TRAF3IP3: variants seen among roughly 807,000 people sequenced by gnomAD.
TRAF3IP3 encodes TRAF3 interacting protein 3.
Under a neutral mutation model 86.5 loss-of-function variants are expected in TRAF3IP3, and 64 were observed. The ratio of observed to expected loss-of-function variants is 0.74; its 90% CI spans 0.60 to 0.91. The LOEUF (loss-of-function observed/expected upper bound fraction) is 0.91. Ranked by LOEUF, TRAF3IP3 falls within the 40% of genes least tolerant of loss-of-function variation. The probability of loss-of-function intolerance (pLI) is 0.00; values close to 1 mark genes in which losing one functional copy is unlikely to be tolerated. For missense variants in TRAF3IP3, 579 were observed against 642.9 expected, an observed-to-expected ratio of 0.90 and a Z score of 1.07; for synonymous variants, 220 against 243.9, an observed-to-expected ratio of 0.90 and a Z score of 0.91.
chr1:209,775,691 C>T lies in TRAF3IP3; in HGVS notation c.1008C>T (p.His336=), dbSNP rs2077639377. The T allele has an allele frequency of 6.2e-7, 1 of 1,613,892 alleles. No individual in the cohort carries two copies. Among genetic ancestry groups the T allele is most frequent in the South Asian group, 1.1e-5 (1 of 91,052 alleles). ...KEDWRTLGTQ[H]RELESQLHVL... is the part of the protein sequence containing the mutation. Reference sequence around the variant, plus strand: ...ACTGGAGGACCCTTGGGACCCAGCACAGGGAGCTGGAGAGCCAACTCCACG... The same window carrying T: ...ACTGGAGGACCCTTGGGACCCAGCATAGGGAGCTGGAGAGCCAACTCCACG... Residue 336 remains histidine (H), a synonymous_variant, in exon 11 of 17, where the codon CAC becomes CAT. Transcript: ENST00000367025.
rs1229744775 is a variant in TRAF3IP3 at position 209,756,206 on chromosome 1, GC to G, written c.-262del. Reference sequence around the variant, plus strand: ...CCAGACCTATGGATTGAAAGCGTGTGCTTTACCCATCTGCTGTCTTGCTCCA... The same window carrying G: ...CCAGACCTATGGATTGAAAGCGTGTGTTTACCCATCTGCTGTCTTGCTCCA... On this transcript the variant is annotated 5_prime_UTR_variant, in exon 1 of 17. Transcript: ENST00000367025. 9.8e-5 allele frequency: 15 copies of G among 152,294 alleles called. No homozygotes were observed. The highest frequency in any genetic ancestry group is 1.6e-4 in the Non-Finnish European group (11 of 68,072). The allele number at this position is 152,294 out of a possible 1,614,324, so 9.4% of individuals were successfully genotyped here.
intron 14 of TRAF3IP3, chr1:209,779,756 G>A: frequency 1.9e-6 from 1 of 532,618 alleles, no homozygotes; most frequent in Non-Finnish European, 3.3e-6. Context: ...GTTAGCCCTA[G>A]AGAGTCTACT....
intron 8 of TRAF3IP3, among the ~76,000 whole-genome samples, chr1:209,770,346 G>C (rs1018382349): frequency 6.6e-6 from 1 of 151,940 alleles, no homozygotes; most frequent in Non-Finnish European, 1.5e-5. Context: ...TGTGGAGATG[G>C]AAGTGTGTAT....
chr1:209,775,332 T>C lies in TRAF3IP3; in HGVS notation c.775-17T>C. On this transcript the variant is annotated splice_polypyrimidine_tract_variant and intron_variant, in intron 9 of 16. Transcript: ENST00000367025. The stretch of plus-strand genomic sequence containing the variant: ...AGAAGCTCAATGTGTATTTGTTGAA[T>C]TGCATCAAATTTACAGAAATACTCC... 1.3e-6 allele frequency: 2 copies of C among 1,599,762 alleles called. No homozygotes were observed. Among genetic ancestry groups the C allele is most frequent in the Non-Finnish European group, 1.7e-6 (2 of 1,172,276 alleles).
At chr1:209,770,378 T>A (rs1279842005) in intron 8 of TRAF3IP3, among the ~76,000 whole-genome samples, 1 of 151,834 alleles carries the variant, frequency 6.6e-6, no homozygotes, top group African/African-American at 2.4e-5. Context: ...ATTGTGCGTG[T>A]GCATGTGGAG....
chr1:209,762,580 T>A lies in TRAF3IP3; in HGVS notation c.411T>A (p.Asp137Glu), dbSNP rs552446215. The change falls in exon 4 of 17, where the codon GAT (aspartate) becomes GAA (glutamate). Residue 137 changes from aspartate to glutamate, a missense_variant. Transcript: ENST00000367025. ...CTCCTCCCTCAGGCATCTGCAGGGA[T>A]CTGTCTGACCACCTCTCCTCACAGG... is the stretch of plus-strand genomic sequence containing the variant. ...QHPPPSGICRDLSDHLSSQAG... is the reference protein window; with the variant it reads ...QHPPPSGICRELSDHLSSQAG... 6.6e-7 allele frequency: 1 copy of A among 1,503,976 alleles called. No homozygotes were observed. Among genetic ancestry groups the A allele is most frequent in the East Asian group, 2.3e-5 (1 of 43,428 alleles). 93.2% of individuals were successfully genotyped at this position (1,503,976 alleles called of 1,614,324 possible). A position where few individuals can be genotyped will look rare whatever the true frequency, so the allele number is the denominator to read the frequency against.
chr1:209,772,849 CACCA>C, intron 8 of TRAF3IP3, 95 bp from the exon 9 acceptor site: 3 of 1,022,984 alleles, frequency 2.9e-6, no homozygotes, highest in Non-Finnish European at 4.5e-6. Context: ...ACTGTTTGAG[CACCA>C]ACCATGTGCT....
chr1:209,757,429 A>T lies in TRAF3IP3; in HGVS notation c.-160+1120A>T, dbSNP rs190389179. The stretch of plus-strand genomic sequence containing the variant: ...GGAAGCTGAGCCAAACAGGGAGGGG[A>T]CCTCACACCTTATGTGTGACACAGG... On this transcript the variant is annotated intron_variant, in intron 1 of 16. Transcript: ENST00000367025. Among the ~76,000 whole-genome samples the T allele has an allele frequency of 4.1e-4, 63 of 151,862 alleles. No individual in the cohort carries two copies. In the East Asian group the frequency reaches 8.7e-3, roughly 21 times the overall value.
chr1:209,764,398 C>A (rs2077301072), intron 8 of TRAF3IP3, among the ~76,000 whole-genome samples: 1 of 152,072 alleles, frequency 6.6e-6, no homozygotes, highest in Non-Finnish European at 1.5e-5. Context: ...AAGCATTTGC[C>A]AGGAAAATAT....
chr1:209,776,749 A>G (rs768328414), intron 11 of TRAF3IP3: 3 of 152,194 alleles, frequency 2.0e-5, no homozygotes, highest in African/African-American at 4.8e-5. Flanking sequence ...GTGATTTACC[A>G]AAGTGTCAAG....
intron 13 of TRAF3IP3, 127 bp from the exon 14 acceptor site, chr1:209,779,188 G>T: frequency 2.9e-6 from 2 of 686,064 alleles, no homozygotes; most frequent in Non-Finnish European, 5.0e-6. Context: ...TATATTCTGG[G>T]GGACAAAATT....
At chr1:209,771,891 G>T (rs113900634) in intron 8 of TRAF3IP3, among the ~76,000 whole-genome samples, 3 of 132,428 alleles carry the variant, frequency 2.3e-5, no homozygotes, top group South Asian at 2.7e-4. Context: ...GTGTGTGCGC[G>T]CATGTGAAGG....
intron 3 of TRAF3IP3, among the ~76,000 whole-genome samples, chr1:209,761,972 C>G (rs2077254153): frequency 6.6e-6 from 1 of 152,258 alleles, no homozygotes; most frequent in Non-Finnish European, 1.5e-5. Context: ...TTCTGCCAGT[C>G]AGGACAAGGA....
chr1:209,763,641 C>T (rs2077288335), intron 8 of TRAF3IP3, 54 bp downstream of exon 8: 1 of 1,425,628 alleles, frequency 7.0e-7, no homozygotes, highest in Non-Finnish European at 9.8e-7. Context: ...GTGTTCCCAT[C>T]TCATTTTTCT....
intron 8 of TRAF3IP3, among the ~76,000 whole-genome samples, chr1:209,771,391 G>C (rs1319378055): frequency 6.7e-6 from 1 of 149,046 alleles, no homozygotes; most frequent in Non-Finnish European, 1.5e-5. Context: ...AGGTGGAAGT[G>C]TGCATGTGCA....
intron 8 of TRAF3IP3, 104 bp downstream of exon 8, chr1:209,763,691 C>T: frequency 1.0e-6 from 1 of 963,438 alleles, no homozygotes; most frequent in Admixed American, 2.2e-5. Flanking sequence ...TTTCTCACTA[C>T]TGAAAAGTAA....
At position 209,762,523 on chromosome 1, in the gene TRAF3IP3, C is replaced by A; in HGVS notation, c.354C>A (p.Gly118=). ...RISSPREQVT[G]TSSEVFPAQH... ...CCCCACTTGCCTTCCAGGTGACAGG[C>A]ACCAGCTCTGAAGTCTTTCCAGCCC... is the stretch of plus-strand genomic sequence containing the variant. Residue 118 remains glycine (G), a synonymous_variant, in exon 4 of 17, where the codon GGC becomes GGA. Coordinates refer to ENST00000367025, the MANE Select transcript of TRAF3IP3 (RefSeq NM_025228.4). 6.9e-7 allele frequency: 1 copy of A among 1,451,672 alleles called. No homozygotes were observed. 89.9% of individuals were successfully genotyped at this position (1,451,672 alleles called of 1,614,324 possible). A position where few individuals can be genotyped will look rare whatever the true frequency, so the allele number is the denominator to read the frequency against.
At position 209,775,988 on chromosome 1, in the gene TRAF3IP3, G is replaced by A. The variant is rs1387434736; in HGVS notation, c.1053+252G>A. The A allele has an allele frequency of 7.9e-6, 3 of 381,344 alleles. No individual in the cohort carries two copies. The East Asian group carries it at 1.3e-4, about 17-fold the overall frequency. 23.6% of individuals were successfully genotyped at this position (381,344 alleles called of 1,614,324 possible). On this transcript the variant is annotated intron_variant, in intron 11 of 16. Coordinates refer to ENST00000367025, the MANE Select transcript of TRAF3IP3 (RefSeq NM_025228.4). The stretch of plus-strand genomic sequence containing the variant: ...GGAATGACACCATCACCACCCAAAT[G>A]AAAAGAACTGGCTGGAATATTCATC...
intron 9 of TRAF3IP3, among the ~76,000 whole-genome samples, chr1:209,774,858 G>A (rs2077619492): frequency 6.6e-6 from 1 of 152,164 alleles, no homozygotes; most frequent in Non-Finnish European, 1.5e-5. Flanking sequence ...TACTACTAGA[G>A]CCTGAACTAA....
Sources: gnomAD v4.1 joint callset for allele counts (sites outside exome capture counted in the v4.1 genomes callset) on GRCh38, gnomAD v4.1.1 for gene constraint, MANE v1.5 for transcripts, NCBI Gene and HGNC (gene_info 2026-07-23, HGNC 2026-07-21) for gene names.